The following SPRR2G variants were observed in gnomAD, a reference collection of about 807,000 sequenced individuals.
SPRR2G encodes the protein small proline rich protein 2G.
Under a neutral mutation model 0.7 loss-of-function variants are expected in SPRR2G, and 1 was observed. The observed-to-expected ratio is 1.49, with a 90% CI of 0.53 to 7.06. The LOEUF is 7.06. Ranked by LOEUF, SPRR2G falls within the 30% of genes most tolerant of loss-of-function variation. SPRR2G has a pLI of 0.14. For missense variants in SPRR2G, 96 were observed against 88.5 expected, an observed-to-expected ratio of 1.09 and a Z score of -0.34; for synonymous variants, 38 against 33.9, an observed-to-expected ratio of 1.12 and a Z score of -0.42.
chr1:153,158,735 G>C, the SPRR2G span, among the ~76,000 whole-genome samples: 1 of 152,206 alleles, frequency 6.6e-6, no homozygotes, highest in African/African-American at 2.4e-5. Flanking sequence ...CCCTGCAGCA[G>C]ACTTCTGCCT....
chr1:153,187,308 C>T, the SPRR2G span, among the ~76,000 whole-genome samples: 11 of 152,106 alleles, frequency 7.2e-5, no homozygotes, highest in African/African-American at 2.2e-4. Flanking sequence ...CAACTTGGTT[C>T]CATTCTCCCC....
At chr1:153,154,131 C>G (rs1195500345), upstream of SPRR2G, among the ~76,000 whole-genome samples, 1 of 151,212 alleles carries the variant, frequency 6.6e-6, no homozygotes, top group Non-Finnish European at 1.5e-5. Context: ...TATTGATTTG[C>G]CTACACTGAA....
chr1:153,168,636 T>G, the SPRR2G span, among the ~76,000 whole-genome samples: 2 of 152,282 alleles, frequency 1.3e-5, no homozygotes, highest in Middle Eastern at 3.4e-3. Flanking sequence ...AGGAATTACA[T>G]AAGCATATGA....
the SPRR2G span, among the ~76,000 whole-genome samples, chr1:153,202,568 GA>G: frequency 1.3e-5 from 2 of 152,282 alleles, no homozygotes; most frequent in Middle Eastern, 6.8e-3. Flanking sequence ...TAAGTCCCAT[GA>G]ATCTACCTGT....
chr1:153,186,057 G>A, the SPRR2G span, among the ~76,000 whole-genome samples: 1 of 152,174 alleles, frequency 6.6e-6, no homozygotes, highest in African/African-American at 2.4e-5. Flanking sequence ...CTTTTAATTT[G>A]ATTGCACTGT....
At chr1:153,159,655 G>C in the SPRR2G span, among the ~76,000 whole-genome samples, 1 of 152,192 alleles carries the variant, frequency 6.6e-6, no homozygotes. Context: ...TGGGTAAAAA[G>C]AAAGCAGGTT....
the SPRR2G span, among the ~76,000 whole-genome samples, chr1:153,175,579 T>C: frequency 0.011 from 1,640 of 152,332 alleles, 23 homozygotes; most frequent in African/African-American, 0.036. Flanking sequence ...CTCTCATGGA[T>C]TCTTTCAGAT....
the SPRR2G span, among the ~76,000 whole-genome samples, chr1:153,179,492 T>A: frequency 0.021 from 3,184 of 152,250 alleles, 242 homozygotes; most frequent in Admixed American, 0.15. Context: ...GTCACGCCTA[T>A]CATTTGTGAA....
chr1:153,157,672 TGGTTTGGGTTG>T, the SPRR2G span, among the ~76,000 whole-genome samples: 1 of 152,108 alleles, frequency 6.6e-6, no homozygotes, highest in Non-Finnish European at 1.5e-5. Flanking sequence ...TGGTTTGGTT[TGGTTTGGGTTG>T]GGTTTGGGTA....
the SPRR2G span, among the ~76,000 whole-genome samples, chr1:153,177,091 A>G: frequency 2.6e-5 from 4 of 152,136 alleles, no homozygotes; most frequent in African/African-American, 9.7e-5. Context: ...TATGATTTAT[A>G]TACATAGAAT....
the SPRR2G span, among the ~76,000 whole-genome samples, chr1:153,183,569 TG>T: frequency 6.6e-6 from 1 of 152,194 alleles, no homozygotes; most frequent in Non-Finnish European, 1.5e-5. Flanking sequence ...TGGGGTTGTT[TG>T]TTTTTTTCTT....
At chr1:153,175,401 C>G in the SPRR2G span, among the ~76,000 whole-genome samples, 1 of 152,292 alleles carries the variant, frequency 6.6e-6, no homozygotes, top group Admixed American at 6.5e-5. Context: ...TCCCGTAAGT[C>G]CAGTCCATGC....
At chr1:153,194,862 A>G in the SPRR2G span, among the ~76,000 whole-genome samples, 1 of 152,176 alleles carries the variant, frequency 6.6e-6, no homozygotes, top group Non-Finnish European at 1.5e-5. Flanking sequence ...GGCTTTGATC[A>G]TGGCAGTGAG....
chr1:153,179,833 C>T, the SPRR2G span, among the ~76,000 whole-genome samples: 1 of 152,130 alleles, frequency 6.6e-6, no homozygotes, highest in Non-Finnish European at 1.5e-5. Flanking sequence ...GTATTCCTAT[C>T]TTGTGCCACA....
the SPRR2G span, among the ~76,000 whole-genome samples, chr1:153,177,735 G>A: frequency 3.3e-5 from 5 of 152,158 alleles, no homozygotes; most frequent in African/African-American, 1.2e-4. Flanking sequence ...ATTCTTGATT[G>A]ATGAGCATTT....
chr1:153,157,856 TAC>T, the SPRR2G span, among the ~76,000 whole-genome samples: 1 of 136,276 alleles, frequency 7.3e-6, no homozygotes, highest in Non-Finnish European at 1.5e-5. Context: ...GGGCCACACT[TAC>T]AATCATGGAA....
chr1:153,159,889 A>C, the SPRR2G span, among the ~76,000 whole-genome samples: 2 of 152,200 alleles, frequency 1.3e-5, no homozygotes, highest in African/African-American at 4.8e-5. Context: ...ACCTCCCAGC[A>C]GGTCCCTCCC....
the SPRR2G span, among the ~76,000 whole-genome samples, chr1:153,185,158 G>T: frequency 6.6e-6 from 1 of 152,114 alleles, no homozygotes; most frequent in East Asian, 1.9e-4. Flanking sequence ...ATATTGGCCT[G>T]AAATTTTCTT....
upstream of SPRR2G, among the ~76,000 whole-genome samples, chr1:153,151,460 A>G (rs1656465755): frequency 6.6e-6 from 1 of 152,222 alleles, no homozygotes; most frequent in South Asian, 2.1e-4. Context: ...GTGTTCTGAC[A>G]TGGTATTAAT....
Sources: allele counts gnomAD v4.1 joint callset (sites outside exome capture counted in the v4.1 genomes callset), GRCh38; gene constraint gnomAD v4.1.1; transcripts MANE v1.5; gene names NCBI Gene and HGNC (gene_info 2026-07-23, HGNC 2026-07-21).